XKR4: variants seen among roughly 807,000 people sequenced by gnomAD.
XKR4 encodes XK related 4, also known as XK-related protein 4.
A neutral mutation model predicts 53.9 loss-of-function variants in XKR4; 12 were observed. The ratio of observed to expected loss-of-function variants is 0.22; its 90% CI spans 0.14 to 0.36. XKR4 has a LOEUF of 0.36. Ranked by LOEUF, XKR4 falls within the 10% of genes least tolerant of loss-of-function variation. The pLI is 1.00. For synonymous variants in XKR4, 354 were observed against 362.4 expected, an observed-to-expected ratio of 0.98 and a Z score of 0.26; for missense variants, 799 against 859.5, an observed-to-expected ratio of 0.93 and a Z score of 0.88.
chr8:55,132,603 G>C (rs1816572492), intron 1 of XKR4, among the ~76,000 whole-genome samples: 1 of 152,164 alleles, frequency 6.6e-6, no homozygotes, highest in Admixed American at 6.5e-5. Context: ...AAGATATGGA[G>C]AGACTACTGT....
At chr8:55,418,187 C>T (rs1003626673) in intron 2 of XKR4, among the ~76,000 whole-genome samples, 5 of 152,088 alleles carry the variant, frequency 3.3e-5, no homozygotes, top group African/African-American at 1.2e-4. Context: ...CTCGAGTGGC[C>T]ATTGGATTAG....
chr8:55,159,139 A>G (rs1329759705), intron 1 of XKR4, among the ~76,000 whole-genome samples: 1 of 151,824 alleles, frequency 6.6e-6, no homozygotes, highest in African/African-American at 2.4e-5. Flanking sequence ...TGTTTGTGTC[A>G]CCTCTGACTA....
chr8:55,207,727 A>AGAAGAGGAGGAAGAG (rs1817670245), intron 1 of XKR4, among the ~76,000 whole-genome samples: 2 of 151,872 alleles, frequency 1.3e-5, no homozygotes, highest in African/African-American at 4.8e-5. Flanking sequence ...CTTCTCATAA[A>AGAAGAGGAGGAAGAG]GAAGAGGAGG....
intron 2 of XKR4, among the ~76,000 whole-genome samples, chr8:55,459,225 GA>G (rs987100921): frequency 9.4e-4 from 143 of 151,522 alleles, no homozygotes; most frequent in Non-Finnish European, 1.3e-3. Context: ...ATATTCATGA[GA>G]AAAAAAATGA....
chr8:55,174,340 AC>A (rs1417696607), intron 1 of XKR4, among the ~76,000 whole-genome samples: 3 of 152,124 alleles, frequency 2.0e-5, no homozygotes, highest in African/African-American at 7.2e-5. Flanking sequence ...GTTTAAATGG[AC>A]CTTGACTCCA....
chr8:55,490,877 G>A (rs1236025385), intron 2 of XKR4, among the ~76,000 whole-genome samples: 1 of 151,674 alleles, frequency 6.6e-6, no homozygotes, highest in Non-Finnish European at 1.5e-5. Flanking sequence ...TTGGTTTACA[G>A]TTTCCTCAAA....
At chr8:55,354,453 G>A (rs993152130) in intron 1 of XKR4, among the ~76,000 whole-genome samples, 1 of 152,268 alleles carries the variant, frequency 6.6e-6, no homozygotes, top group African/African-American at 2.4e-5. Context: ...AGATGAGAGA[G>A]AATGTCCAAA....
At chr8:55,164,259 G>T (rs1165598093) in intron 1 of XKR4, 2 of 456,248 alleles carry the variant, frequency 4.4e-6, no homozygotes, top group Non-Finnish European at 8.8e-6. Flanking sequence ...CTCTTTCTCT[G>T]TCTCTCTTTG....
intron 2 of XKR4, among the ~76,000 whole-genome samples, chr8:55,394,199 C>T (rs1469814936): frequency 6.6e-6 from 1 of 152,180 alleles, no homozygotes; most frequent in African/African-American, 2.4e-5. Flanking sequence ...AGCTCACCTT[C>T]ATTCAGTCTC....
chr8:55,356,952 T>C (rs1407312809), intron 1 of XKR4, among the ~76,000 whole-genome samples: 1 of 152,222 alleles, frequency 6.6e-6, no homozygotes, highest in Admixed American at 6.5e-5. Flanking sequence ...CTTTTCCTTA[T>C]GATTTTAATA....
chr8:55,397,631 C>T (rs1804540853), intron 2 of XKR4, among the ~76,000 whole-genome samples: 1 of 151,770 alleles, frequency 6.6e-6, no homozygotes, highest in South Asian at 2.1e-4. Flanking sequence ...CACCCCACCA[C>T]ACATGCACAC....
At chr8:55,281,378 G>A (rs1483997565) in intron 1 of XKR4, among the ~76,000 whole-genome samples, 1 of 152,166 alleles carries the variant, frequency 6.6e-6, no homozygotes, top group Non-Finnish European at 1.5e-5. Context: ...AAAATTATTG[G>A]TTGATCAGCA....
At position 55,102,858 on chromosome 8, in the gene XKR4, G is replaced by A; in HGVS notation, c.370G>A (p.Ala124Thr). Residue 124 changes from alanine to threonine, a missense_variant, in exon 1 of 3, where the codon GCG (alanine) becomes ACG (threonine). By Grantham distance (58) the Ala-to-Thr change is moderately conservative (BLOSUM62 0). This residue lies in a region of XKR4 where 476 missense variants were observed against 505.4 expected (regional missense o/e 0.94). Transcript: ENST00000327381. This position sits in a 1 kb window ranked among gnomAD's most constrained non-coding sequence, Gnocchi z 5.1. ...CCTGGCCGCCGTGGCCGTGTACTTC[G>A]CGGACGTGGGCACAGACGTCTGGCT... ...WILAAVAVYF[A>T]DVGTDVWLAV... The A allele has an allele frequency of 1.2e-6, 2 of 1,611,832 alleles. No homozygotes were observed. The highest frequency in any genetic ancestry group is 1.7e-6 in the Non-Finnish European group (2 of 1,179,914).
In XKR4 at chr8:55,525,611, C is replaced by G. The variant is rs539423181; in HGVS notation, c.*1384C>G. ...ACAGCAAGTAAACGTTCCCCGCTTT[C>G]TGTTCTCAGTGTCCTCGGTCATGGT... On this transcript the variant is annotated 3_prime_UTR_variant, in exon 3 of 3. Coordinates refer to ENST00000327381, the MANE Select transcript of XKR4 (RefSeq NM_052898.2). 1 of 152,736 alleles carries G rather than the reference C, an allele frequency of 6.5e-6. No individual in the cohort carries two copies. The highest frequency in any genetic ancestry group is 1.5e-5 in the Non-Finnish European group (1 of 68,038). 9.5% of individuals were successfully genotyped at this position (152,736 alleles called of 1,614,324 possible). A position where few individuals can be genotyped will look rare whatever the true frequency, so the allele number is the denominator to read the frequency against.
chr8:55,488,568 AC>A (rs767151734), intron 2 of XKR4, among the ~76,000 whole-genome samples: 14 of 152,358 alleles, frequency 9.2e-5, no homozygotes, highest in Non-Finnish European at 1.8e-4. Flanking sequence ...GTACTAAGTG[AC>A]AGAAGCCAAT....
chr8:55,460,414 A>T (rs1003326639), intron 2 of XKR4, among the ~76,000 whole-genome samples: 2 of 152,256 alleles, frequency 1.3e-5, no homozygotes, highest in Non-Finnish European at 2.9e-5. Context: ...AGTGGATATT[A>T]TGGCTTTAAA....
At position 55,159,620 on chromosome 8, in the gene XKR4, G is replaced by C. The variant is rs1019833838; in HGVS notation, c.806+56326G>C. ...GGCACGTGAGTAAGTGAGAACATGGGATGAGGAATGACTTGTAAACATCAA... is the reference window on the plus strand; with the variant it reads ...GGCACGTGAGTAAGTGAGAACATGGCATGAGGAATGACTTGTAAACATCAA... On this transcript the variant is annotated intron_variant, in intron 1 of 2. Transcript: ENST00000327381. 5.3e-5 allele frequency among the ~76,000 whole-genome samples: 8 copies of C among 152,292 alleles called. No individual in the cohort carries two copies. In the East Asian group the frequency reaches 1.5e-3, roughly 29 times the overall value.
At chr8:55,194,811 G>A (rs958621999) in intron 1 of XKR4, among the ~76,000 whole-genome samples, 1 of 152,168 alleles carries the variant, frequency 6.6e-6, no homozygotes, top group Non-Finnish European at 1.5e-5. Flanking sequence ...GAAGTCAGTG[G>A]TATTAGTGAG....
At chr8:55,466,357 C>A (rs1805768292) in intron 2 of XKR4, among the ~76,000 whole-genome samples, 1 of 151,876 alleles carries the variant, frequency 6.6e-6, no homozygotes, top group Non-Finnish European at 1.5e-5. Context: ...AAGCTGGAAA[C>A]CATCATTCTC....
Sources: gnomAD v4.1 joint callset for allele counts (sites outside exome capture counted in the v4.1 genomes callset) on GRCh38, gnomAD v4.1.1 for gene constraint, gnomAD v4.1.1 regional missense constraint, Gnocchi (gnomAD v3.1) non-coding constraint, MANE v1.5 for transcripts, NCBI Gene and HGNC (gene_info 2026-07-23, HGNC 2026-07-21) for gene names.